Variants in VEGFD observed in about 807,000 individuals in gnomAD.
VEGFD encodes vascular endothelial growth factor D.
In VEGFD, 26 loss-of-function variants were observed where a neutral mutation model predicts 28.0. The observed-to-expected ratio is 0.93, with a 90% CI of 0.68 to 1.29. VEGFD has a LOEUF of 1.29. Ranked by LOEUF, VEGFD falls within the 50% of genes most tolerant of loss-of-function variation. VEGFD has a pLI of 0.00. For missense variants in VEGFD, 294 were observed against 273.4 expected, an observed-to-expected ratio of 1.08 and a Z score of -0.53; for synonymous variants, 93 against 95.5, an observed-to-expected ratio of 0.97 and a Z score of 0.15.
Position 15,363,206 on chromosome X carries a change from C to A in VEGFD, c.204G>T (p.Arg68Ser), listed in dbSNP as rs747254028. 2 of 1,211,290 alleles carry A rather than the reference C, an allele frequency of 1.7e-6. No individual in the cohort carries two copies. Among genetic ancestry groups the A allele is most frequent in the Non-Finnish European group, 2.2e-6 (2 of 895,129 alleles). ...TACTGGTAAAACTTTTGAGCCTCAG[C>A]CTGCATCTCCACAGCTTCCAGTCCT... ...HSEDWKLWRC[R>S]LRLKSFTSMD... The change falls in exon 2 of 7, where the codon AGG (arginine) becomes AGT (serine). Residue 68 changes from arginine to serine, a missense_variant. Transcript: ENST00000297904.
chrX:15,380,958 G>A (rs991482005), intron 1 of VEGFD, among the ~76,000 whole-genome samples: 11 of 112,471 alleles, frequency 9.8e-5, no homozygotes, highest in South Asian at 3.7e-4. Context: ...CATCTAGGCC[G>A]TAATCTGATT....
At chrX:15,367,907 G>C (rs1923183593) in intron 1 of VEGFD, among the ~76,000 whole-genome samples, 1 of 105,569 alleles carries the variant, frequency 9.5e-6, no homozygotes, top group African/African-American at 3.5e-5. Context: ...AGTGAGCCAT[G>C]ATCTCGCCAC....
intron 5 of VEGFD, among the ~76,000 whole-genome samples, chrX:15,348,036 G>C (rs1922599433): frequency 8.9e-6 from 1 of 112,169 alleles, no homozygotes; most frequent in African/African-American, 3.3e-5. Flanking sequence ...GAAATTCATT[G>C]CAAAATAAAT....
Position 15,348,230 on chromosome X carries a change from C to T in VEGFD, c.743-871G>A, listed in dbSNP as rs73447262. Among the ~76,000 whole-genome samples the T allele has an allele frequency of 9.5e-4, 106 of 111,851 alleles. 1 individual carries two copies. Among genetic ancestry groups the T allele is most frequent in the African/African-American group, 3.2e-3 (99 of 30,750 alleles). Reference sequence around the variant, plus strand: ...CTGGTAAGTCTGAGCATCATGTCCACTCAGTTCTGCCTCTCTAAATTTGTT... The same window carrying T: ...CTGGTAAGTCTGAGCATCATGTCCATTCAGTTCTGCCTCTCTAAATTTGTT... On this transcript the variant is annotated intron_variant, in intron 5 of 6. Transcript: ENST00000297904.
intron 3 of VEGFD, among the ~76,000 whole-genome samples, chrX:15,357,412 TAA>T (rs1922893719): frequency 9.0e-6 from 1 of 111,180 alleles, no homozygotes; most frequent in Non-Finnish European, 1.9e-5. Flanking sequence ...CCTGCCAGGC[TAA>T]GAGTTGACAG....
chrX:15,372,290 A>T (rs1341728919), intron 1 of VEGFD, among the ~76,000 whole-genome samples: 1 of 111,898 alleles, frequency 8.9e-6, no homozygotes, highest in African/African-American at 3.2e-5. Context: ...GAGGTTTTTC[A>T]TGAACCCATT....
chrX:15,378,988 C>G (rs1027606672), intron 1 of VEGFD, among the ~76,000 whole-genome samples: 3 of 111,230 alleles, frequency 2.7e-5, no homozygotes, highest in Admixed American at 1.9e-4. Flanking sequence ...ACCCAGACAT[C>G]GAAGCCAACT....
At chrX:15,362,524 C>T (rs1379986228) in intron 2 of VEGFD, among the ~76,000 whole-genome samples, 1 of 111,201 alleles carries the variant, frequency 9.0e-6, no homozygotes, top group Non-Finnish European at 1.9e-5. Flanking sequence ...TCAGCCGATC[C>T]TCCCACCTCA....
intron 1 of VEGFD, among the ~76,000 whole-genome samples, chrX:15,381,602 C>A (rs1174655148): frequency 9.0e-6 from 1 of 110,569 alleles, no homozygotes; most frequent in Non-Finnish European, 1.9e-5. Flanking sequence ...TTTCACACTA[C>A]ATTTTAATTT....
intron 5 of VEGFD, among the ~76,000 whole-genome samples, chrX:15,350,496 C>A (rs928270508): frequency 3.1e-4 from 35 of 112,730 alleles, no homozygotes; most frequent in African/African-American, 1.1e-3. Context: ...TTAAGACTTA[C>A]CCCCGCAGGG....
rs375916627 is a variant in VEGFD at position 15,363,306 on chromosome X, G to A, written c.104C>T (p.Ser35Phe). ...EHGPVKRSSQ[S>F]TLERSEQQIR... is the part of the protein sequence containing the mutation. ...CTGCTGTTCAGATCGTTCCAATGTG[G>A]ACTGAGATGATCGCTTAAAAAAACA... is the stretch of plus-strand genomic sequence containing the variant. Residue 35 changes from serine (S) to phenylalanine (F), a missense_variant, in exon 2 of 7, where the codon TCC (serine) becomes TTC (phenylalanine). By Grantham distance (155) the Ser-to-Phe change is radical. Transcript: ENST00000297904. 2.0e-5 allele frequency: 24 copies of A among 1,203,140 alleles called. No homozygotes were observed. The Middle Eastern group carries it at 6.9e-4, about 35-fold the overall frequency.
intron 1 of VEGFD, among the ~76,000 whole-genome samples, chrX:15,377,669 T>C (rs761582585): frequency 8.9e-6 from 1 of 112,188 alleles, no homozygotes; most frequent in Non-Finnish European, 1.9e-5. Flanking sequence ...GGGATTGCAC[T>C]TCCTGGCCCT....
intron 1 of VEGFD, among the ~76,000 whole-genome samples, chrX:15,383,032 C>T (rs749098747): frequency 1.5e-4 from 17 of 111,966 alleles, no homozygotes; most frequent in African/African-American, 2.3e-4. Flanking sequence ...TGAAAATGCA[C>T]GTCCTAAACA....
At chrX:15,356,640 T>C (rs1922874555) in intron 3 of VEGFD, among the ~76,000 whole-genome samples, 1 of 111,963 alleles carries the variant, frequency 8.9e-6, no homozygotes, top group South Asian at 3.7e-4. Flanking sequence ...TTCATCTTCT[T>C]GCACAATTTT....
At position 15,383,868 on chromosome X, in the gene VEGFD, C is replaced by T; in HGVS notation, c.79G>A (p.Gly27Arg). The stretch of plus-strand genomic sequence containing the variant: ...TTGAGCTCACCTACCTTCACTGGTC[C>T]ATGTTCATTACTGGAGCCCTGCACC... ...QLVQGSSNEH[G>R]PVKRSSQSTL... is the part of the protein sequence containing the mutation. The change falls in exon 1 of 7, where the codon GGA (glycine) becomes AGA (arginine). Residue 27 changes from glycine to arginine, a missense_variant. Transcript: ENST00000297904. 1 of 1,206,691 alleles carries T rather than the reference C, an allele frequency of 8.3e-7. No homozygotes were observed. The highest frequency in any genetic ancestry group is 3.0e-5 in the East Asian group (1 of 33,852).
intron 1 of VEGFD, among the ~76,000 whole-genome samples, chrX:15,363,683 T>C (rs1314806655): frequency 8.9e-6 from 1 of 112,342 alleles, no homozygotes; most frequent in East Asian, 2.8e-4. Flanking sequence ...TTAAGGATCT[T>C]AAAATGAGAT....
chrX:15,365,150 C>T (rs1333381907), intron 1 of VEGFD, among the ~76,000 whole-genome samples: 1 of 111,837 alleles, frequency 8.9e-6, no homozygotes, highest in Non-Finnish European at 1.9e-5. Context: ...TATTTATTTT[C>T]GAGACCGAGT....
chrX:15,375,826 G>A (rs776530280), intron 1 of VEGFD, among the ~76,000 whole-genome samples: 1 of 111,343 alleles, frequency 9.0e-6, no homozygotes, highest in African/African-American at 3.3e-5. Context: ...ATTTGATGAA[G>A]ACTGCTTGTG....
In VEGFD at chrX:15,353,191, C is replaced by G. The variant is rs759882886; in HGVS notation, c.642-23G>C. ...CAGCTAGGAAAAGAAAACAATGAAC[C>G]AGATTTAAAAGCTTTCAAGGATAAT... On this transcript the variant is annotated intron_variant, in intron 4 of 6. Transcript: ENST00000297904. 6 of 934,973 alleles carry G rather than the reference C, an allele frequency of 6.4e-6. No individual in the cohort carries two copies. In the Admixed American group the frequency reaches 1.0e-4, roughly 16 times the overall value. 77.1% of individuals were successfully genotyped at this position (934,973 alleles called of 1,213,427 possible).
Sources: gnomAD v4.1 joint callset for allele counts (sites outside exome capture counted in the v4.1 genomes callset) on GRCh38, gnomAD v4.1.1 for gene constraint, MANE v1.5 for transcripts, NCBI Gene and HGNC (gene_info 2026-07-23, HGNC 2026-07-21) for gene names.